SERAC1: variants seen among roughly 807,000 people sequenced by gnomAD.
The protein encoded by SERAC1 is serine active site containing 1, also known as protein SERAC1.
A neutral mutation model predicts 85.7 loss-of-function variants in SERAC1; 36 were observed. That is an observed-to-expected ratio of 0.42 (90% confidence interval 0.32 to 0.55). The LOEUF is 0.55. Among genes scored for constraint, SERAC1 ranks in the 20% least tolerant of loss-of-function variants. The pLI is 0.11. For missense variants in SERAC1, 629 were observed against 796.2 expected (o/e 0.79, Z 2.53); for synonymous variants, 242 against 265.3 (o/e 0.91, Z 0.85).
At chr6:158,163,971 G>A (rs1325057397) in intron 1 of SERAC1, among the ~76,000 whole-genome samples, 2 of 151,624 alleles carry the variant, frequency 1.3e-5, no homozygotes, top group Non-Finnish European at 2.9e-5. Context: ...TCTTGACCTC[G>A]TGATCCACCC....
rs934287285 is a variant in SERAC1 at position 158,110,204 on chromosome 6, G to C, written c.*1162C>G. On this transcript the variant is annotated 3_prime_UTR_variant, in exon 17 of 17. Coordinates refer to ENST00000647468, the MANE Select transcript of SERAC1 (RefSeq NM_032861.4). ...GACCTGGGCAACACAGTGAGACCCT[G>C]TCTCTACAAAAAAGTATTTATTTAT... 2 of 151,950 alleles carry C rather than the reference G, an allele frequency of 1.3e-5. No homozygotes were observed. Among genetic ancestry groups the C allele is most frequent in the African/African-American group, 4.8e-5 (2 of 41,254 alleles). 9.4% of individuals were successfully genotyped at this position (151,950 alleles called of 1,614,324 possible). A position where few individuals can be genotyped will look rare whatever the true frequency, so the allele number is the denominator to read the frequency against.
Position 158,111,244 on chromosome 6 carries a change from C to T in SERAC1, c.*122G>A, listed in dbSNP as rs2128409313. On this transcript the variant is annotated 3_prime_UTR_variant, in exon 17 of 17. Transcript: ENST00000647468. ...ACAATGTTCTGTAGTCTGCAACACA[C>T]TCCAGACCATGTTGACGCTATGATC... 1 of 977,642 alleles carries T rather than the reference C, an allele frequency of 1.0e-6. No individual in the cohort carries two copies. The highest frequency in any genetic ancestry group is 1.7e-5 in the South Asian group (1 of 58,204). 60.6% of individuals were successfully genotyped at this position (977,642 alleles called of 1,614,324 possible).
At chr6:158,118,634 A>AG (rs1375821947) in intron 12 of SERAC1, among the ~76,000 whole-genome samples, 15 of 151,312 alleles carry the variant, frequency 9.9e-5, no homozygotes, top group African/African-American at 2.0e-4. Flanking sequence ...AAAAAAAAAA[A>AG]AAGAAGGAAA....
At chr6:158,147,460 AAATT>A (rs1240881168) in intron 5 of SERAC1, among the ~76,000 whole-genome samples, 2 of 152,018 alleles carry the variant, frequency 1.3e-5, no homozygotes, top group Non-Finnish European at 2.9e-5. Context: ...TATATGAAAG[AAATT>A]AATAAGTTAA....
At chr6:158,165,698 T>G (rs1785583243) in intron 1 of SERAC1, among the ~76,000 whole-genome samples, 1 of 152,188 alleles carries the variant, frequency 6.6e-6, no homozygotes, top group Admixed American at 6.5e-5. Flanking sequence ...ATCTACCTCT[T>G]AACTGAAGCA....
intron 2 of SERAC1, among the ~76,000 whole-genome samples, chr6:158,157,639 AG>A (rs1785385558): frequency 6.6e-6 from 1 of 152,266 alleles, no homozygotes; most frequent in Non-Finnish European, 1.5e-5. Context: ...AATAATGCTC[AG>A]AAAAGGTAAG....
chr6:158,140,725 G>A (rs745415349), intron 8 of SERAC1, among the ~76,000 whole-genome samples: 1 of 152,178 alleles, frequency 6.6e-6, no homozygotes, highest in African/African-American at 2.4e-5. Flanking sequence ...CTGTGGGACA[G>A]AGCCCTTAAC....
intron 8 of SERAC1, among the ~76,000 whole-genome samples, chr6:158,141,152 G>C (rs750648074): frequency 3.3e-5 from 5 of 152,332 alleles, no homozygotes; most frequent in Admixed American, 6.5e-5. Flanking sequence ...GTGTGGCTGA[G>C]CCTTGAAAAC....
At chr6:158,151,648 A>G (rs963175488) in intron 3 of SERAC1, among the ~76,000 whole-genome samples, 1 of 151,992 alleles carries the variant, frequency 6.6e-6, no homozygotes, top group Non-Finnish European at 1.5e-5. Flanking sequence ...GATGGTCTCA[A>G]TCTCCTGACC....
chr6:158,145,519 TTTC>T (rs1465933871), intron 6 of SERAC1, among the ~76,000 whole-genome samples: 5 of 150,490 alleles, frequency 3.3e-5, no homozygotes, highest in African/African-American at 1.2e-4. Context: ...TTTGAGAATT[TTTC>T]TTTTTTTTTT....
chr6:158,118,640 G>A (rs73797640), intron 12 of SERAC1, among the ~76,000 whole-genome samples: 4 of 142,010 alleles, frequency 2.8e-5, no homozygotes, highest in African/African-American at 5.7e-5. Flanking sequence ...AAAAAAAGAA[G>A]GAAAGAAATG....
At chr6:158,129,871 T>G (rs1390669695) in intron 9 of SERAC1, among the ~76,000 whole-genome samples, 1 of 152,070 alleles carries the variant, frequency 6.6e-6, no homozygotes, top group Non-Finnish European at 1.5e-5. Flanking sequence ...AATTTTTGTA[T>G]TTTTAGTAGA....
rs1784403597 is a variant in SERAC1, at chr6:158,120,861, C to T, written c.1016-286G>A. Among the ~76,000 whole-genome samples the T allele has an allele frequency of 6.6e-6, 1 of 152,044 alleles. No homozygotes were observed. Among genetic ancestry groups the T allele is most frequent in the African/African-American group, 2.4e-5 (1 of 41,410 alleles). On this transcript the variant is annotated intron_variant, in intron 10 of 16. Transcript: ENST00000647468. This position sits in a 1 kb window ranked among gnomAD's most constrained non-coding sequence, Gnocchi z 4.4. The stretch of plus-strand genomic sequence containing the variant: ...CACTAATACCAATTATAGAGGTGTT[C>T]ATAGCAGTTATAGAGGTGTTCACAA...
intron 15 of SERAC1, chr6:158,114,389 G>A (rs959702224): frequency 8.6e-6 from 6 of 697,910 alleles, no homozygotes; most frequent in Non-Finnish European, 8.9e-6. Context: ...AGAGAAAACT[G>A]CTTATCAAAC....
chr6:158,115,097 T>A, intron 14 of SERAC1, 126 bp from the exon 15 acceptor site: 1 of 1,011,158 alleles, frequency 9.9e-7, no homozygotes, highest in Non-Finnish European at 1.4e-6. Context: ...AAAAATGGTT[T>A]AAACAATTCT....
intron 1 of SERAC1, 127 bp from the exon 2 acceptor site, chr6:158,158,491 G>A: frequency 1.2e-5 from 7 of 580,432 alleles, no homozygotes; most frequent in East Asian, 3.0e-5. Flanking sequence ...AGACTACGAA[G>A]AAAACTTTCC....
intron 2 of SERAC1, among the ~76,000 whole-genome samples, chr6:158,157,858 CT>C (rs1366226326): frequency 6.6e-6 from 1 of 152,182 alleles, no homozygotes; most frequent in Non-Finnish European, 1.5e-5. Context: ...TCAGAGAAAG[CT>C]TCCTAAACGA....
chr6:158,154,026 T>C (rs536190475), intron 3 of SERAC1, among the ~76,000 whole-genome samples: 1 of 151,360 alleles, frequency 6.6e-6, no homozygotes, highest in Admixed American at 6.6e-5. Context: ...CCAGGTGTGG[T>C]GGTACACACC....
chr6:158,142,963 T>G (rs1784952527), intron 8 of SERAC1, 93 bp downstream of exon 8: 1 of 986,834 alleles, frequency 1.0e-6, no homozygotes, highest in South Asian at 1.6e-5. Flanking sequence ...TTAGCATGTT[T>G]ACTCAGTTAC....
Sources: allele counts gnomAD v4.1 joint callset (sites outside exome capture counted in the v4.1 genomes callset), GRCh38; gene constraint gnomAD v4.1.1; non-coding constraint Gnocchi (gnomAD v3.1); transcripts MANE v1.5; gene names NCBI Gene and HGNC (gene_info 2026-07-23, HGNC 2026-07-21).